Variants in FGFR1 observed in about 807,000 individuals in gnomAD.
FGFR1 encodes the protein fibroblast growth factor receptor 1, also known as FGFR1/PLAG1 fusion.
FGFR1 carries 18 observed loss-of-function variants against 93.7 expected under a neutral mutation model. That is an observed-to-expected ratio of 0.19 (90% CI 0.13 to 0.28). The LOEUF (loss-of-function observed/expected upper bound fraction) is 0.28. Among genes scored for constraint, FGFR1 ranks in the 10% least tolerant of loss-of-function variants. FGFR1 has a pLI of 1.00. For missense variants in FGFR1, 731 were observed against 1,080.4 expected, an observed-to-expected ratio of 0.68 and a Z score of 4.53; for synonymous variants, 448 against 429.3, an observed-to-expected ratio of 1.04 and a Z score of -0.54.
chr8:38,430,975 G>C (rs1454640460), intron 2 of FGFR1, among the ~76,000 whole-genome samples: 2 of 152,166 alleles, frequency 1.3e-5, no homozygotes, highest in Admixed American at 1.3e-4. Context: ...GCACTCACGA[G>C]GGGAAATGAA....
At chr8:38,462,375 G>A (rs1240042546) in intron 1 of FGFR1, among the ~76,000 whole-genome samples, 2 of 151,670 alleles carry the variant, frequency 1.3e-5, no homozygotes, top group South Asian at 2.1e-4. Context: ...GCAGTGGCGC[G>A]CGCCTGTAGT....
intron 2 of FGFR1, among the ~76,000 whole-genome samples, chr8:38,433,626 C>T (rs777364991): frequency 1.3e-5 from 2 of 152,150 alleles, no homozygotes; most frequent in African/African-American, 4.8e-5. Flanking sequence ...CCCAGCCAGA[C>T]CCTGTCTTAA....
In FGFR1 at chr8:38,426,022, T is replaced by C; in HGVS notation, c.745+100A>G. 3.9e-6 allele frequency: 6 copies of C among 1,545,286 alleles called. No individual in the cohort carries two copies. The highest frequency in any genetic ancestry group is 5.3e-6 in the Non-Finnish European group (6 of 1,122,674). On this transcript the variant is annotated intron_variant, in intron 6 of 17. Transcript: ENST00000447712. This position sits in a 1 kb window ranked among gnomAD's most constrained non-coding sequence, Gnocchi z 4.1. The stretch of plus-strand genomic sequence containing the variant: ...CAAAGCCAAGAAGTGCCAATCGCTA[T>C]CCTGACTCTGCCCCTAAGAAACCTG...
At chr8:38,447,132 CACACACACACACACACACA>C (rs1563587174) in intron 2 of FGFR1, among the ~76,000 whole-genome samples, 5 of 150,964 alleles carry the variant, frequency 3.3e-5, no homozygotes, top group Admixed American at 2.0e-4. Flanking sequence ...CACACACACA[CACACACACACACACACACA>C]CCCCTGACAA....
chr8:38,464,360 G>A (rs1195123479), intron 1 of FGFR1, among the ~76,000 whole-genome samples: 4 of 147,932 alleles, frequency 2.7e-5, no homozygotes, highest in Non-Finnish European at 5.9e-5. Context: ...ACGAACTGCT[G>A]CACATAATCT....
Position 38,411,964 on chromosome 8 carries a change from C to T in FGFR1, c.*1664G>A, listed in dbSNP as rs1190101736. 2 of 231,318 alleles carry T rather than the reference C, an allele frequency of 8.6e-6. No homozygotes were observed. The highest frequency in any genetic ancestry group is 1.7e-5 in the Non-Finnish European group (2 of 116,878). 14.3% of individuals were successfully genotyped at this position (231,318 alleles called of 1,614,324 possible). A position where few individuals can be genotyped will look rare whatever the true frequency, so the allele number is the denominator to read the frequency against. The stretch of plus-strand genomic sequence containing the variant: ...AGGGACCTGAATGCAAAACTAGCCT[C>T]AGGTGACATGTTCTCCTGCACTTAG... On this transcript the variant is annotated 3_prime_UTR_variant, in exon 18 of 18. Coordinates refer to ENST00000447712, the MANE Select transcript of FGFR1 (RefSeq NM_023110.3).
At chr8:38,414,741 T>C (rs749452174) in intron 14 of FGFR1, 38 bp downstream of exon 14, 7 of 1,613,918 alleles carry the variant, frequency 4.3e-6, no homozygotes, top group Non-Finnish European at 5.1e-6. Context: ...GCTTCTCAGA[T>C]GAAACCACCA....
Position 38,426,253 on chromosome 8 carries a change from GA to G in FGFR1, c.622-9del, listed in dbSNP as rs772431584. The G allele has an allele frequency of 1.9e-6, 3 of 1,613,944 alleles. No individual in the cohort carries two copies. Among genetic ancestry groups the G allele is most frequent in the African/African-American group, 1.3e-5 (1 of 74,910 alleles). On this transcript the variant is annotated splice_polypyrimidine_tract_variant and intron_variant, in intron 5 of 17. Transcript: ENST00000447712. This position sits in a 1 kb window ranked among gnomAD's most constrained non-coding sequence, Gnocchi z 4.1. Reference sequence around the variant, plus strand: ...CCAGGTGGCATAACGGACCTGAGGGGAAATGCCAAAGGGATACATTGAGGGT... The same window carrying G: ...CCAGGTGGCATAACGGACCTGAGGGGAATGCCAAAGGGATACATTGAGGGT...
Position 38,417,537 on chromosome 8 carries a change from C to T in FGFR1, c.1553-121G>A, listed in dbSNP as rs1817121698. On this transcript the variant is annotated intron_variant, in intron 11 of 17. Coordinates refer to ENST00000447712, the MANE Select transcript of FGFR1 (RefSeq NM_023110.3). ...CTGGGACTTGATTCTCTCCTCCCCACTTCATCCAAACTTGTTTTCTCTTCC... is the reference window on the plus strand; with the variant it reads ...CTGGGACTTGATTCTCTCCTCCCCATTTCATCCAAACTTGTTTTCTCTTCC... 4 of 880,240 alleles carry T rather than the reference C, an allele frequency of 4.5e-6. No individual in the cohort carries two copies. In the Admixed American group the frequency reaches 5.9e-5, roughly 13 times the overall value. The allele number at this position is 880,240 out of a possible 1,614,324, so 54.5% of individuals were successfully genotyped here.
At chr8:38,467,261 A>C (rs915783151) in intron 1 of FGFR1, among the ~76,000 whole-genome samples, 5 of 152,072 alleles carry the variant, frequency 3.3e-5, no homozygotes, top group African/African-American at 1.2e-4. Context: ...CCAAGTCATA[A>C]GATCACCCCT....
Position 38,412,485 on chromosome 8 carries a change from G to A in FGFR1, c.*1143C>T, listed in dbSNP as rs1021259837. ...GCTGGGCCTTGACTCTCTGCCCAGCGCCTCTACTGCATGGATGGGGTTCCT... is the reference window on the plus strand; with the variant it reads ...GCTGGGCCTTGACTCTCTGCCCAGCACCTCTACTGCATGGATGGGGTTCCT... On this transcript the variant is annotated 3_prime_UTR_variant, in exon 18 of 18. Transcript: ENST00000447712. The A allele has an allele frequency of 4.8e-4, 111 of 231,846 alleles. No individual in the cohort carries two copies. The highest frequency in any genetic ancestry group is 2.3e-3 in the African/African-American group (106 of 45,356). 14.4% of individuals were successfully genotyped at this position (231,846 alleles called of 1,614,324 possible).
At chr8:38,422,850 C>T in intron 7 of FGFR1, 1 of 589,252 alleles carries the variant, frequency 1.7e-6, no homozygotes, top group Non-Finnish European at 3.0e-6. Flanking sequence ...CCCACAGACA[C>T]CAACACAATA....
intron 3 of FGFR1, chr8:38,428,699 T>A: frequency 1.9e-6 from 1 of 516,700 alleles, no homozygotes; most frequent in Non-Finnish European, 3.5e-6. Flanking sequence ...CCTATTTAAC[T>A]TAATTCCGTC....
chr8:38,454,151 A>G (rs1034168413), intron 2 of FGFR1, among the ~76,000 whole-genome samples: 1 of 151,834 alleles, frequency 6.6e-6, no homozygotes, highest in Admixed American at 6.6e-5. Context: ...CAAGATCTTC[A>G]GCCCCCAGGT....
chr8:38,446,406 T>C (rs1441081524), intron 2 of FGFR1, among the ~76,000 whole-genome samples: 1 of 151,374 alleles, frequency 6.6e-6, no homozygotes, highest in Non-Finnish European at 1.5e-5. Context: ...AAACAGGGTT[T>C]CACCGTGTTG....
chr8:38,450,403 C>T (rs376444458), intron 2 of FGFR1, among the ~76,000 whole-genome samples: 2 of 152,126 alleles, frequency 1.3e-5, no homozygotes, highest in African/African-American at 4.8e-5. Flanking sequence ...CCAGTGGCCC[C>T]GGAGGAACGA....
At position 38,429,821 on chromosome 8, in the gene FGFR1, C is replaced by T. The variant is rs1049747098; in HGVS notation, c.219G>A (p.Leu73=). The change falls in exon 3 of 18, where the codon CTG becomes CTA. Residue 73 remains leucine, a synonymous_variant. Coordinates refer to ENST00000447712, the MANE Select transcript of FGFR1 (RefSeq NM_023110.3). This position sits in a 1 kb window ranked among gnomAD's most constrained non-coding sequence, Gnocchi z 4.4. ...TGATGCGGGTGCGGTTGCTTTCCGCCAGCTGCACCCCGTCCCGCAGCCAGT... is the reference window on the plus strand; with the variant it reads ...TGATGCGGGTGCGGTTGCTTTCCGCTAGCTGCACCCCGTCCCGCAGCCAGT... ...SINWLRDGVQ[L]AESNRTRITG... The T allele has an allele frequency of 6.2e-7, 1 of 1,613,746 alleles. No homozygotes were observed. Among genetic ancestry groups the T allele is most frequent in the Non-Finnish European group, 8.5e-7 (1 of 1,179,936 alleles).
At chr8:38,460,248 A>C (rs902742417) in intron 1 of FGFR1, among the ~76,000 whole-genome samples, 15 of 152,196 alleles carry the variant, frequency 9.9e-5, no homozygotes, top group Non-Finnish European at 1.9e-4. Context: ...AGGACACTGC[A>C]TGGGGCACAT....
Position 38,413,809 on chromosome 8 carries a change from G to C in FGFR1, c.2293-5C>G, listed in dbSNP as rs2150512766. 1.2e-6 allele frequency: 2 copies of C among 1,614,072 alleles called. No homozygotes were observed. Among genetic ancestry groups the C allele is most frequent in the South Asian group, 2.2e-5 (2 of 91,082 alleles). On this transcript the variant is annotated splice_polypyrimidine_tract_variant and splice_region_variant and intron_variant, in intron 17 of 17. Transcript: ENST00000447712. This position sits in a 1 kb window ranked among gnomAD's most constrained non-coding sequence, Gnocchi z 4.2. ...CATGGACAGGTCCAGGTACTCCTGT[G>C]ATGGGCGAGAGGAAGCAGCGATGGG... is the stretch of plus-strand genomic sequence containing the variant.
Sources: gnomAD v4.1 joint callset for allele counts (sites outside exome capture counted in the v4.1 genomes callset) on GRCh38, gnomAD v4.1.1 for gene constraint, Gnocchi (gnomAD v3.1) non-coding constraint, MANE v1.5 for transcripts, NCBI Gene and HGNC (gene_info 2026-07-23, HGNC 2026-07-21) for gene names.